APBB1: variants seen among roughly 807,000 people sequenced by gnomAD.
APBB1 encodes amyloid beta precursor protein binding family B member 1.
Under a neutral mutation model 78.4 loss-of-function variants are expected in APBB1, and 22 were observed. The observed-to-expected ratio is 0.28, with a 90% CI of 0.20 to 0.40. The LOEUF is 0.40. Among genes scored for constraint, APBB1 ranks in the 10% least tolerant of loss-of-function variants. The pLI, the probability that APBB1 is intolerant of heterozygous loss-of-function variation, is 1.00. For synonymous variants in APBB1, 369 were observed against 372.7 expected, an observed-to-expected ratio of 0.99 and a Z score of 0.12; for missense variants, 749 against 932.4, an observed-to-expected ratio of 0.80 and a Z score of 2.56.
chr11:6,414,179 C>T (rs759695226), intron 1 of APBB1, among the ~76,000 whole-genome samples: 46 of 152,172 alleles, frequency 3.0e-4, no homozygotes, highest in Non-Finnish European at 2.2e-4. Context: ...TGAAGCGTGG[C>T]GGATTCTGAA....
chr11:6,407,847 T>G (rs1266733895), intron 2 of APBB1, among the ~76,000 whole-genome samples: 2 of 150,156 alleles, frequency 1.3e-5, no homozygotes, highest in Non-Finnish European at 2.9e-5. Flanking sequence ...TGGCGCAATC[T>G]CGGCTCACTG....
chr11:6,416,493 T>C (rs536178893), intron 1 of APBB1, among the ~76,000 whole-genome samples: 5 of 152,290 alleles, frequency 3.3e-5, no homozygotes, highest in South Asian at 4.1e-4. Context: ...CTCAAGCTAA[T>C]AGACCCACTC....
intron 12 of APBB1, among the ~76,000 whole-genome samples, chr11:6,398,984 T>C (rs1848363608): frequency 6.6e-6 from 1 of 152,262 alleles, no homozygotes; most frequent in African/African-American, 2.4e-5. Context: ...CAAACATTTG[T>C]TGAGTTCTTC....
Position 6,401,600 on chromosome 11 carries a change from T to A in APBB1, c.1477A>T (p.Thr493Ser). 6.2e-7 allele frequency: 1 copy of A among 1,614,128 alleles called. No homozygotes were observed. The highest frequency in any genetic ancestry group is 8.5e-7 in the Non-Finnish European group (1 of 1,180,016). ...TTAGAGCAGATCTCATGCAGGCTGG[T>A]GGCGATGTTCTTGGCAGGTGCCTCA... ...RCEAPAKNIATSLHEICSKIM... is the reference protein window; with the variant it reads ...RCEAPAKNIASSLHEICSKIM... The change falls in exon 10 of 15, where the codon ACC (threonine) becomes TCC (serine). Residue 493 changes from threonine to serine, a missense_variant. Around this residue, in one of 3 missense-constraint regions of APBB1, gnomAD observed 635 missense variants for 765.0 expected, o/e 0.83. Transcript: ENST00000609360. The surrounding 1 kb of genome is among the most constrained non-coding windows in gnomAD (Gnocchi z 4.5).
chr11:6,411,623 G>A lies in APBB1; in HGVS notation c.-14-262C>T, dbSNP rs879765572. Among the ~76,000 whole-genome samples, 4 of 151,854 alleles carry A rather than the reference G, an allele frequency of 2.6e-5. No individual in the cohort carries two copies. Among genetic ancestry groups the A allele is most frequent in the South Asian group, 2.1e-4 (1 of 4,812 alleles). ...AGCTTTCTGGGATGGCACAGCTGGCGCCTGCCCTCGGTCCCACCAGCAAGG... is the reference window on the plus strand; with the variant it reads ...AGCTTTCTGGGATGGCACAGCTGGCACCTGCCCTCGGTCCCACCAGCAAGG... On this transcript the variant is annotated intron_variant, in intron 1 of 14. Transcript: ENST00000609360. The surrounding 1 kb of genome is among the most constrained non-coding windows in gnomAD (Gnocchi z 5.2).
intron 2 of APBB1, chr11:6,404,088 G>A (rs1285261554): frequency 2.4e-6 from 1 of 422,648 alleles, no homozygotes; most frequent in Non-Finnish European, 4.2e-6. Flanking sequence ...AGGGAGGGAA[G>A]AAGGAAGGGA....
At position 6,401,832 on chromosome 11, in the gene APBB1, G is replaced by T. The variant is rs374827185; in HGVS notation, c.1389-144C>A. On this transcript the variant is annotated intron_variant, in intron 9 of 14. Coordinates refer to ENST00000609360, the MANE Select transcript of APBB1 (RefSeq NM_001164.5). The surrounding 1 kb of genome is among the most constrained non-coding windows in gnomAD (Gnocchi z 4.5). Reference sequence around the variant, plus strand: ...GTCCCCCATAGGTGCTGCCTTCTTGGGGGGGAGGGGTAGACAGGCAAGCAT... The same window carrying T: ...GTCCCCCATAGGTGCTGCCTTCTTGTGGGGGAGGGGTAGACAGGCAAGCAT... 223 of 1,423,028 alleles carry T rather than the reference G, an allele frequency of 1.6e-4. No individual in the cohort carries two copies. Among genetic ancestry groups the T allele is most frequent in the Middle Eastern group, 8.6e-4 (5 of 5,782 alleles). The allele number at this position is 1,423,028 out of a possible 1,614,324, so 88.2% of individuals were successfully genotyped here.
In APBB1 at chr11:6,410,709, C is replaced by A. The variant is rs1848935859; in HGVS notation, c.639G>T (p.Arg213=). ...AGTCCTCATCACTGGCTGCACTGTT[C>A]CGCATGCCAAACAGGAGGCTGGCAC... is the stretch of plus-strand genomic sequence containing the variant. ...SKSASLLFGM[R]NSAASDEDSS... is the part of the protein sequence containing the mutation. Residue 213 remains arginine, a synonymous_variant, in exon 2 of 15, where the codon CGG becomes CGT. Transcript: ENST00000609360. 2.6e-6 allele frequency: 4 copies of A among 1,550,650 alleles called. No individual in the cohort carries two copies. The highest frequency in any genetic ancestry group is 1.9e-5 in the Admixed American group (1 of 52,132).
intron 2 of APBB1, among the ~76,000 whole-genome samples, chr11:6,409,445 G>A (rs556000067): frequency 2.4e-4 from 36 of 152,350 alleles, no homozygotes; most frequent in African/African-American, 8.2e-4. Flanking sequence ...AAGAGAGCAT[G>A]CAGGTAGCAA....
intron 2 of APBB1, among the ~76,000 whole-genome samples, chr11:6,405,939 G>A (rs1300875097): frequency 6.6e-6 from 1 of 152,136 alleles, no homozygotes. Context: ...AGGGCTGGCT[G>A]GACACTTCTG....
chr11:6,402,255 G>A, intron 7 of APBB1, 46 bp from the exon 8 acceptor site: 1 of 1,605,760 alleles, frequency 6.2e-7, no homozygotes, highest in Non-Finnish European at 8.5e-7. Context: ...AGCCAGGATG[G>A]TGGCTGATCT....
intron 1 of APBB1, among the ~76,000 whole-genome samples, chr11:6,414,842 C>T (rs1849080452): frequency 6.6e-6 from 1 of 152,174 alleles, no homozygotes; most frequent in Non-Finnish European, 1.5e-5. Context: ...AAACCCTTCT[C>T]TGAAGCAGTA....
intron 2 of APBB1, among the ~76,000 whole-genome samples, chr11:6,408,444 C>CT (rs1819692702): frequency 6.6e-6 from 1 of 151,966 alleles, no homozygotes; most frequent in Non-Finnish European, 1.5e-5. Flanking sequence ...TGTTTGAGAA[C>CT]AGGAGTTCAA....
chr11:6,400,178 T>C (rs766600383), intron 12 of APBB1, among the ~76,000 whole-genome samples: 1 of 152,144 alleles, frequency 6.6e-6, no homozygotes, highest in Non-Finnish European at 1.5e-5. Context: ...CATGGTAAGC[T>C]TCAAAGGTAT....
intron 7 of APBB1, 78 bp downstream of exon 7, chr11:6,402,498 C>T: frequency 6.9e-7 from 1 of 1,457,710 alleles, no homozygotes; most frequent in South Asian, 1.2e-5. Context: ...TGCTTGTGGG[C>T]AGGTCAGACC....
chr11:6,403,882 A>G lies in APBB1; in HGVS notation c.722-60T>C, dbSNP rs1399332154. 1 of 1,506,236 alleles carries G rather than the reference A, an allele frequency of 6.6e-7. No homozygotes were observed. Among genetic ancestry groups the G allele is most frequent in the Non-Finnish European group, 8.9e-7 (1 of 1,124,738 alleles). The allele number at this position is 1,506,236 out of a possible 1,614,324, so 93.3% of individuals were successfully genotyped here. A position where few individuals can be genotyped will look rare whatever the true frequency, so the allele number is the denominator to read the frequency against. On this transcript the variant is annotated intron_variant, in intron 2 of 14. Coordinates refer to ENST00000609360, the MANE Select transcript of APBB1 (RefSeq NM_001164.5). This position sits in a 1 kb window ranked among gnomAD's most constrained non-coding sequence, Gnocchi z 5.3. ...CCCAAAGAGCAGACAGCTGGTGCCT[A>G]TGCCCGGTCCCCTCTGAGACCCCAT...
intron 1 of APBB1, among the ~76,000 whole-genome samples, chr11:6,417,058 C>G (rs1849137118): frequency 6.6e-6 from 1 of 152,190 alleles, no homozygotes; most frequent in Non-Finnish European, 1.5e-5. Flanking sequence ...AGACCAAATT[C>G]TTAACATGGC....
rs1371436419 is a variant in APBB1, at chr11:6,402,893, C to G, written c.1105-168G>C. Reference sequence around the variant, plus strand: ...GATGTGGTTAGGGTGAGGGAGATGTCAGATGAGACCCCAGCTAGTACAAAA... The same window carrying G: ...GATGTGGTTAGGGTGAGGGAGATGTGAGATGAGACCCCAGCTAGTACAAAA... On this transcript the variant is annotated intron_variant, in intron 6 of 14. Transcript: ENST00000609360. The G allele has an allele frequency of 3.5e-6, 3 of 865,560 alleles. No homozygotes were observed. In the African/African-American group the frequency reaches 5.4e-5, roughly 16 times the overall value. 53.6% of individuals were successfully genotyped at this position (865,560 alleles called of 1,614,324 possible).
In APBB1 at chr11:6,411,120, C is replaced by T. The variant is rs915354464; in HGVS notation, c.228G>A (p.Gln76=). The part of the protein sequence containing the change: ...NAKWLKEGQN[Q]LRRAATAHRD... ...GGTGGGCCGTGGCGGCCCGCCGGAG[C>T]TGGTTCTGGCCCTCTTTTAGCCACT... The change falls in exon 2 of 15, where the codon CAG becomes CAA. Residue 76 remains glutamine (Q), a synonymous_variant. Transcript: ENST00000609360. The surrounding 1 kb of genome is among the most constrained non-coding windows in gnomAD (Gnocchi z 5.2). The T allele has an allele frequency of 6.2e-7, 1 of 1,611,918 alleles. No homozygotes were observed.
Sources: allele counts gnomAD v4.1 joint callset (sites outside exome capture counted in the v4.1 genomes callset), GRCh38; gene constraint gnomAD v4.1.1; regional missense constraint gnomAD v4.1.1; non-coding constraint Gnocchi (gnomAD v3.1); transcripts MANE v1.5; gene names NCBI Gene and HGNC (gene_info 2026-07-23, HGNC 2026-07-21).